Variants in JADE3 observed in about 807,000 individuals in gnomAD.
The protein encoded by JADE3 is jade family PHD finger 3.
Under a neutral mutation model 50.1 loss-of-function variants are expected in JADE3, and 2 were observed. The ratio of observed to expected loss-of-function variants is 0.04; its 90% CI spans 0.02 to 0.13. The LOEUF is 0.13. Among genes scored for constraint, JADE3 ranks in the 10% least tolerant of loss-of-function variants. The pLI is 1.00. For synonymous variants in JADE3, 218 were observed against 232.9 expected (o/e 0.94, Z 0.58); for missense variants, 475 against 634.4 (o/e 0.75, Z 2.70).
At chrX:46,987,835 C>G (rs782203021) in intron 3 of JADE3, among the ~76,000 whole-genome samples, 1 of 112,000 alleles carries the variant, frequency 8.9e-6, no homozygotes, top group African/African-American at 3.2e-5. Context: ...TTTTTTGTTG[C>G]AAGGGATAGG....
intron 1 of JADE3, among the ~76,000 whole-genome samples, chrX:46,971,172 A>G (rs1385766367): frequency 1.1e-5 from 1 of 91,446 alleles, no homozygotes; most frequent in Non-Finnish European, 2.1e-5. Flanking sequence ...CTGGAGTGCA[A>G]TGGCGCGATC....
chrX:47,049,690 T>C (rs1929459228), intron 8 of JADE3, among the ~76,000 whole-genome samples: 1 of 104,974 alleles, frequency 9.5e-6, no homozygotes, highest in African/African-American at 3.5e-5. Flanking sequence ...TAACAGTCCT[T>C]GCGTCTTGGC....
chrX:47,020,849 T>C (rs1556364237), intron 4 of JADE3, among the ~76,000 whole-genome samples: 1 of 111,762 alleles, frequency 8.9e-6, no homozygotes. Flanking sequence ...GCACGGTGGC[T>C]CATGCCTGTA....
intron 1 of JADE3, among the ~76,000 whole-genome samples, chrX:46,971,637 A>T (rs1017023721): frequency 1.9e-3 from 205 of 106,006 alleles, no homozygotes; most frequent in African/African-American, 6.6e-3. Flanking sequence ...CTACTAAAAA[A>T]TACAAAAAAT....
intron 4 of JADE3, among the ~76,000 whole-genome samples, chrX:47,022,166 A>T (rs5906310): frequency 0.2 from 22,839 of 111,422 alleles, 2,041 homozygotes; most frequent in East Asian, 0.37. Context: ...ATAACTCTTG[A>T]CAAAAAATTG....
At chrX:46,968,580 A>G (rs782391082) in intron 1 of JADE3, among the ~76,000 whole-genome samples, 22 of 111,665 alleles carry the variant, frequency 2.0e-4, no homozygotes, top group African/African-American at 7.2e-4. Context: ...TCTCAAAATA[A>G]AAAGTAAATG....
intron 4 of JADE3, among the ~76,000 whole-genome samples, chrX:47,016,687 C>CTT (rs201278423): frequency 4.1e-5 from 4 of 98,301 alleles, no homozygotes; most frequent in African/African-American, 1.1e-4. Flanking sequence ...TAATGTTTGT[C>CTT]TTTTTTTTTT....
At chrX:46,966,276 T>C (rs1927365738) in intron 1 of JADE3, among the ~76,000 whole-genome samples, 1 of 112,070 alleles carries the variant, frequency 8.9e-6, no homozygotes, top group African/African-American at 3.2e-5. Flanking sequence ...GTCTTCCAGC[T>C]TGATGTATCT....
intron 4 of JADE3, among the ~76,000 whole-genome samples, chrX:47,019,098 C>A (rs1602410832): frequency 9.0e-6 from 1 of 111,604 alleles, no homozygotes; most frequent in Non-Finnish European, 1.9e-5. Context: ...TATGACCCAG[C>A]CTTGCAGTTC....
chrX:47,055,614 G>A (rs1177350882), intron 9 of JADE3, among the ~76,000 whole-genome samples: 1 of 112,032 alleles, frequency 8.9e-6, no homozygotes, highest in African/African-American at 3.2e-5. Flanking sequence ...TCACCTTTGT[G>A]GCTGTGGAAA....
chrX:46,930,775 GTTCATT>G (rs1926473125), intron 1 of JADE3, among the ~76,000 whole-genome samples: 2 of 111,293 alleles, frequency 1.8e-5, no homozygotes, highest in African/African-American at 6.5e-5. Context: ...ATGACAGACA[GTTCATT>G]ACACCCCACC....
intron 1 of JADE3, among the ~76,000 whole-genome samples, chrX:46,973,843 G>T (rs1267296086): frequency 5.3e-5 from 6 of 112,169 alleles, no homozygotes; most frequent in African/African-American, 1.9e-4. Flanking sequence ...CACTTTGGGA[G>T]GCCGAAGTGG....
intron 1 of JADE3, among the ~76,000 whole-genome samples, chrX:46,930,065 T>A (rs1256819536): frequency 2.7e-5 from 3 of 111,938 alleles, no homozygotes; most frequent in Non-Finnish European, 5.6e-5. Context: ...AGAGGTGGAG[T>A]CTGTTTCTCT....
intron 1 of JADE3, among the ~76,000 whole-genome samples, chrX:46,948,090 G>A (rs1556343906): frequency 8.9e-6 from 1 of 111,937 alleles, no homozygotes; most frequent in African/African-American, 3.2e-5. Flanking sequence ...AAATTAAAGG[G>A]TCGGTGAAAG....
intron 1 of JADE3, among the ~76,000 whole-genome samples, chrX:46,929,185 A>G (rs1170937409): frequency 8.9e-6 from 1 of 112,001 alleles, no homozygotes; most frequent in Admixed American, 9.5e-5. Context: ...AAATATAGAC[A>G]AAACTTTGAC....
At chrX:46,976,484 G>A (rs1366938642) in intron 1 of JADE3, among the ~76,000 whole-genome samples, 4 of 112,212 alleles carry the variant, frequency 3.6e-5, no homozygotes, top group Non-Finnish European at 7.5e-5. Flanking sequence ...GTAGGAATAA[G>A]ATCTGAAAAC....
chrX:46,967,812 G>A (rs1165159050), intron 1 of JADE3, among the ~76,000 whole-genome samples: 1 of 111,723 alleles, frequency 9.0e-6, no homozygotes, highest in African/African-American at 3.3e-5. Context: ...ATTTCTTCTC[G>A]AGTTACACAT....
chrX:47,015,581 CAAA>C (rs56831185), intron 4 of JADE3, among the ~76,000 whole-genome samples: 1 of 67,262 alleles, frequency 1.5e-5, no homozygotes, highest in Non-Finnish European at 3.3e-5. Context: ...AAGACTGTCT[CAAA>C]AAAAAAAAAA....
Position 46,958,043 on chromosome X carries a change from G to C in JADE3, c.-11-26841G>C, listed in dbSNP as rs184693970. On this transcript the variant is annotated intron_variant, in intron 1 of 10. Transcript: ENST00000614628. ...CTACACCATCTCTCACCCTTTCAAT[G>C]GTCATTTATGTGATATGATCCCCAA... Among the ~76,000 whole-genome samples the C allele has an allele frequency of 3.6e-3, 401 of 111,556 alleles. 3 individuals are homozygous for C. Among genetic ancestry groups the C allele is most frequent in the Non-Finnish European group, 6.7e-3 (355 of 53,073 alleles).
Sources: gnomAD v4.1 joint callset for allele counts (sites outside exome capture counted in the v4.1 genomes callset) on GRCh38, gnomAD v4.1.1 for gene constraint, MANE v1.5 for transcripts, NCBI Gene and HGNC (gene_info 2026-07-23, HGNC 2026-07-21) for gene names.